Variants in CPEB3 observed in about 807,000 individuals in gnomAD.
CPEB3 encodes the protein cytoplasmic polyadenylation element-binding protein 3.
CPEB3 carries 20 observed loss-of-function variants against 67.2 expected under a neutral mutation model. The ratio of observed to expected loss-of-function variants is 0.30; its 90% CI spans 0.21 to 0.43. The LOEUF is 0.43. Among genes scored for constraint, CPEB3 ranks in the 20% least tolerant of loss-of-function variants. The pLI is 1.00. For synonymous variants in CPEB3, 376 were observed against 393.1 expected (o/e 0.96, Z 0.51); for missense variants, 746 against 968.6 (o/e 0.77, Z 3.05).
At chr10:92,164,360 T>G (rs566362876) in intron 4 of CPEB3, among the ~76,000 whole-genome samples, 3 of 152,342 alleles carry the variant, frequency 2.0e-5, no homozygotes, top group Admixed American at 6.5e-5. Context: ...ACGATCTGAT[T>G]AATTTTGATA....
chr10:92,145,825 G>A (rs1231304668), intron 4 of CPEB3, among the ~76,000 whole-genome samples: 2 of 152,022 alleles, frequency 1.3e-5, no homozygotes, highest in Non-Finnish European at 2.9e-5. Context: ...TGCTCTTTAT[G>A]GTAATCTCAG....
At chr10:92,275,639 C>A (rs1841943876) in intron 1 of CPEB3, among the ~76,000 whole-genome samples, 1 of 152,010 alleles carries the variant, frequency 6.6e-6, no homozygotes, top group Non-Finnish European at 1.5e-5. Context: ...CCATTTTCAT[C>A]AACCCAAAAA....
chr10:92,130,579 C>T (rs77381448), intron 6 of CPEB3, among the ~76,000 whole-genome samples: 1,838 of 151,854 alleles, frequency 0.012, 15 homozygotes, highest in Non-Finnish European at 0.02. Context: ...TGCATGGCCT[C>T]CCACTCTGCT....
At chr10:92,166,812 A>C (rs974536299) in intron 4 of CPEB3, among the ~76,000 whole-genome samples, 1 of 152,188 alleles carries the variant, frequency 6.6e-6, no homozygotes. Context: ...CTTTGAAGCC[A>C]GGCACTGACT....
chr10:92,239,649 GGCGGCTGCGGCAGCA>G lies in CPEB3; in HGVS notation c.687_701del (p.Ala231_Ala235del), dbSNP rs772269145. The G allele has an allele frequency of 5.1e-6, 8 of 1,560,914 alleles. No individual in the cohort carries two copies. Among genetic ancestry groups the G allele is most frequent in the Non-Finnish European group, 6.9e-6 (8 of 1,153,782 alleles). ...TCCAGCTGGACGAGGCCGACGAGGCGGCGGCTGCGGCAGCAGCGGCTGCAACCGCCGAAGACGAGG... is the reference window on the plus strand; with the variant it reads ...TCCAGCTGGACGAGGCCGACGAGGCGGCGGCTGCAACCGCCGAAGACGAGG... On this transcript the variant is annotated inframe_deletion, in exon 2 of 10. Transcript: ENST00000265997. The surrounding 1 kb of genome is among the most constrained non-coding windows in gnomAD (Gnocchi z 6.0).
intron 8 of CPEB3, among the ~76,000 whole-genome samples, chr10:92,082,725 TTAGGCTAC>T (rs1354336742): frequency 1.2e-4 from 19 of 152,294 alleles, no homozygotes; most frequent in African/African-American, 4.1e-4. Context: ...ACCATTCCTT[TTAGGCTAC>T]TCACATAATA....
intron 2 of CPEB3, among the ~76,000 whole-genome samples, chr10:92,209,793 T>C: frequency 6.6e-6 from 1 of 151,460 alleles, no homozygotes; most frequent in Non-Finnish European, 1.5e-5. Flanking sequence ...AAAAATTAGC[T>C]GGGCGTGGTA....
intron 4 of CPEB3, among the ~76,000 whole-genome samples, chr10:92,154,880 T>C (rs150817233): frequency 6.6e-6 from 1 of 152,368 alleles, no homozygotes; most frequent in East Asian, 1.9e-4. Flanking sequence ...AACTAAAAAC[T>C]TTCACATATA....
At chr10:92,273,038 A>C (rs1027470499) in intron 1 of CPEB3, among the ~76,000 whole-genome samples, 3 of 152,184 alleles carry the variant, frequency 2.0e-5, no homozygotes, top group Non-Finnish European at 2.9e-5. Context: ...CAATAGGTGG[A>C]TTTGAGAGAT....
intron 1 of CPEB3, among the ~76,000 whole-genome samples, chr10:92,275,833 CT>C (rs1309101285): frequency 6.8e-6 from 1 of 147,466 alleles, no homozygotes; most frequent in Non-Finnish European, 1.5e-5. Flanking sequence ...TGTATCAGTA[CT>C]TCATTCTTTT....
At chr10:92,259,741 T>C (rs539675620) in intron 1 of CPEB3, among the ~76,000 whole-genome samples, 3 of 152,338 alleles carry the variant, frequency 2.0e-5, no homozygotes, top group African/African-American at 7.2e-5. Flanking sequence ...CTGCAACTTA[T>C]CTTTTTTTCT....
At chr10:92,150,429 G>A (rs539307573) in intron 4 of CPEB3, among the ~76,000 whole-genome samples, 4 of 152,138 alleles carry the variant, frequency 2.6e-5, no homozygotes, top group African/African-American at 7.2e-5. Flanking sequence ...GGACTATTCC[G>A]TTAATAAATT....
intron 6 of CPEB3, among the ~76,000 whole-genome samples, chr10:92,134,908 T>G (rs1285099035): frequency 1.3e-5 from 2 of 151,926 alleles, no homozygotes; most frequent in African/African-American, 4.8e-5. Context: ...AAACAAAAAA[T>G]GGGGAAAGGA....
chr10:92,226,194 C>CG (rs1564885261), intron 2 of CPEB3, among the ~76,000 whole-genome samples: 1 of 152,192 alleles, frequency 6.6e-6, no homozygotes, highest in Non-Finnish European at 1.5e-5. Context: ...CTTTCAAAAT[C>CG]GGAAAAACTC....
Position 92,240,150 on chromosome 10 carries a change from G to C in CPEB3, c.201C>G (p.Gly67=), listed in dbSNP as rs769490832. The change falls in exon 2 of 10, where the codon GGC becomes GGG. Residue 67 remains glycine, a synonymous_variant. Transcript: ENST00000265997. The part of the protein sequence containing the change: ...SPAAAPPAPN[G]PDKMQMESPL... ...GTGATTCCATCTGCATCTTGTCCGG[G>C]CCGTTGGGGGCCGGGGGGGCAGCGG... The C allele has an allele frequency of 1.3e-6, 2 of 1,557,472 alleles. No individual in the cohort carries two copies. Among genetic ancestry groups the C allele is most frequent in the Admixed American group, 3.9e-5 (2 of 51,860 alleles).
At chr10:92,185,831 A>T (rs908410007) in intron 3 of CPEB3, among the ~76,000 whole-genome samples, 7 of 152,320 alleles carry the variant, frequency 4.6e-5, no homozygotes, top group African/African-American at 1.7e-4. Context: ...TTAAAAATGT[A>T]ATACTGTGAT....
intron 8 of CPEB3, among the ~76,000 whole-genome samples, chr10:92,085,058 C>A (rs1338000893): frequency 6.6e-6 from 1 of 152,124 alleles, no homozygotes; most frequent in Non-Finnish European, 1.5e-5. Flanking sequence ...AATTTCTAGT[C>A]CTCATTTGAA....
intron 6 of CPEB3, among the ~76,000 whole-genome samples, chr10:92,111,474 T>G (rs1033734029): frequency 1.3e-5 from 2 of 152,252 alleles, no homozygotes; most frequent in African/African-American, 4.8e-5. Flanking sequence ...GGACTCACCA[T>G]TGGCCTTAGC....
intron 2 of CPEB3, among the ~76,000 whole-genome samples, chr10:92,221,393 T>C (rs965622453): frequency 6.6e-6 from 1 of 152,114 alleles, no homozygotes; most frequent in Non-Finnish European, 1.5e-5. Context: ...CTCGGGAGGC[T>C]GAGACAGGAG....
Sources: allele counts gnomAD v4.1 joint callset (sites outside exome capture counted in the v4.1 genomes callset), GRCh38; gene constraint gnomAD v4.1.1; non-coding constraint Gnocchi (gnomAD v3.1); transcripts MANE v1.5; gene names NCBI Gene and HGNC (gene_info 2026-07-23, HGNC 2026-07-21).